The following TRAF5 variants were observed in gnomAD, a reference collection of about 807,000 sequenced individuals.
The protein encoded by TRAF5 is TNF receptor-associated factor 5.
Under a neutral mutation model 64.5 loss-of-function variants are expected in TRAF5, and 48 were observed. The ratio of observed to expected loss-of-function variants is 0.74; its 90% CI spans 0.59 to 0.95. The LOEUF is 0.95. Among genes scored for constraint, TRAF5 ranks in the 40% least tolerant of loss-of-function variants. The pLI is 0.00. For synonymous variants in TRAF5, 206 were observed against 240.5 expected, an observed-to-expected ratio of 0.86 and a Z score of 1.33; for missense variants, 545 against 662.8, an observed-to-expected ratio of 0.82 and a Z score of 1.95.
chr1:211,365,746 C>G (rs1202224343), intron 8 of TRAF5, among the ~76,000 whole-genome samples: 1 of 152,202 alleles, frequency 6.6e-6, no homozygotes, highest in Non-Finnish European at 1.5e-5. Flanking sequence ...ATAATTCAAT[C>G]TCAAAATCCA....
In TRAF5 at chr1:211,373,589, G is replaced by A. The variant is rs1354669103; in HGVS notation, c.*887G>A. The A allele has an allele frequency of 6.6e-6, 1 of 152,130 alleles. No individual in the cohort carries two copies. Among genetic ancestry groups the A allele is most frequent in the Non-Finnish European group, 1.5e-5 (1 of 68,040 alleles). 9.4% of individuals were successfully genotyped at this position (152,130 alleles called of 1,614,324 possible). A position where few individuals can be genotyped will look rare whatever the true frequency, so the allele number is the denominator to read the frequency against. On this transcript the variant is annotated 3_prime_UTR_variant, in exon 11 of 11. Coordinates refer to ENST00000261464, the MANE Select transcript of TRAF5 (RefSeq NM_001033910.3). Reference sequence around the variant, plus strand: ...GGTGACAGTAATAAATCAATGTGAGGATGGATAGAATTTAGTATATGATAG... The same window carrying A: ...GGTGACAGTAATAAATCAATGTGAGAATGGATAGAATTTAGTATATGATAG...
rs976133396 is a variant in TRAF5, at chr1:211,356,886, G to A, written c.378+418G>A. The A allele has an allele frequency of 2.4e-5, 4 of 164,962 alleles. No homozygotes were observed. In the East Asian group the frequency reaches 5.2e-4, roughly 22 times the overall value. The allele number at this position is 164,962 out of a possible 1,614,324, so 10.2% of individuals were successfully genotyped here. On this transcript the variant is annotated intron_variant, in intron 4 of 10. Coordinates refer to ENST00000261464, the MANE Select transcript of TRAF5 (RefSeq NM_001033910.3). ...ATTTGCTCTCTCACTTGGTGCTGTC[G>A]TAGGTGTTTCCCAGCAACTGTGGGA...
At chr1:211,371,953 G>GC (rs1159428545) in intron 10 of TRAF5, among the ~76,000 whole-genome samples, 175 bp from the exon 11 acceptor site, 17 of 152,194 alleles carry the variant, frequency 1.1e-4, no homozygotes, top group Non-Finnish European at 1.5e-5. Flanking sequence ...GAGGCACTGT[G>GC]CCAAGACATG....
At chr1:211,370,003 A>G (rs1217722465) in intron 9 of TRAF5, among the ~76,000 whole-genome samples, 1 of 152,188 alleles carries the variant, frequency 6.6e-6, no homozygotes, top group African/African-American at 2.4e-5. Flanking sequence ...TAACTTTAAC[A>G]TTGATACAAT....
chr1:211,365,578 A>T (rs1703326704), intron 8 of TRAF5, 110 bp downstream of exon 8: 9 of 849,620 alleles, frequency 1.1e-5, no homozygotes, highest in South Asian at 1.9e-5. Context: ...AGTCAATTAG[A>T]GGTAGATGTT....
chr1:211,354,619 C>T (rs1362881464), intron 3 of TRAF5, 152 bp downstream of exon 3: 12 of 743,312 alleles, frequency 1.6e-5, no homozygotes, highest in South Asian at 1.1e-4. Context: ...AGACCCTACT[C>T]GTAGCCCTGT....
intron 1 of TRAF5, among the ~76,000 whole-genome samples, chr1:211,342,748 G>A (rs1282721871): frequency 6.6e-6 from 1 of 152,196 alleles, no homozygotes; most frequent in Non-Finnish European, 1.5e-5. Flanking sequence ...ACAAGAACAT[G>A]TGAAGCTTGT....
chr1:211,354,175 C>T lies in TRAF5; in HGVS notation c.219-235C>T, dbSNP rs192128652. Among the ~76,000 whole-genome samples the T allele has an allele frequency of 8.1e-4, 124 of 152,290 alleles. 1 individual carries two copies. Among genetic ancestry groups the T allele is most frequent in the Middle Eastern group, 3.4e-3 (1 of 294 alleles). On this transcript the variant is annotated intron_variant, in intron 2 of 10. Transcript: ENST00000261464. ...AGGACAGGGGGCATTCAGCTCTGTC[C>T]AGGGACTCACTGACTGCATCCCAGA... is the stretch of plus-strand genomic sequence containing the variant.
At chr1:211,350,747 A>T (rs1291998601) in intron 1 of TRAF5, among the ~76,000 whole-genome samples, 3 of 152,126 alleles carry the variant, frequency 2.0e-5, no homozygotes, top group Non-Finnish European at 4.4e-5. Context: ...TAAACAACAG[A>T]GGTTTCTGAC....
At chr1:211,343,287 G>T (rs992617293) in intron 1 of TRAF5, among the ~76,000 whole-genome samples, 2 of 152,100 alleles carry the variant, frequency 1.3e-5, no homozygotes, top group African/African-American at 4.8e-5. Context: ...GCTGGTAATT[G>T]TCATGCCATG....
At chr1:211,326,697 G>A (rs1456530692), upstream of TRAF5, 2 of 986,012 alleles carry the variant, frequency 2.0e-6, no homozygotes, top group Non-Finnish European at 2.4e-6. This position sits in a 1 kb window ranked among gnomAD's most constrained non-coding sequence, Gnocchi z 5.0. Flanking sequence ...CCAACCGCCT[G>A]GATGACGGTC....
intron 1 of TRAF5, among the ~76,000 whole-genome samples, chr1:211,349,426 A>T (rs61848978): frequency 0.16 from 25,094 of 152,124 alleles, 2,175 homozygotes; most frequent in African/African-American, 0.22. Flanking sequence ...AGAGATGAAC[A>T]CTGTCCTTAC....
In TRAF5 at chr1:211,372,705, A is replaced by G. The variant is rs765833700; in HGVS notation, c.*3A>G. 8 of 1,613,420 alleles carry G rather than the reference A, an allele frequency of 5.0e-6. No homozygotes were observed. In the South Asian group the frequency reaches 6.6e-5, roughly 13 times the overall value. Reference sequence around the variant, plus strand: ...TAACTGACCTGGAGGATCTCTAGTCACTGTTATGGGGTGATAAGAGGACTT... The same window carrying G: ...TAACTGACCTGGAGGATCTCTAGTCGCTGTTATGGGGTGATAAGAGGACTT... On this transcript the variant is annotated 3_prime_UTR_variant, in exon 11 of 11. Transcript: ENST00000261464.
rs188797893 is a variant in TRAF5 at position 211,371,819 on chromosome 1, G to A, written c.1100-309G>A. On this transcript the variant is annotated intron_variant, in intron 10 of 10. Transcript: ENST00000261464. Reference sequence around the variant, plus strand: ...GTATGGAAAAATATTAAAGGGTTTGGCCATTTAAAAGCATTCTAGTTAGAA... The same window carrying A: ...GTATGGAAAAATATTAAAGGGTTTGACCATTTAAAAGCATTCTAGTTAGAA... Among the ~76,000 whole-genome samples, 159 of 152,342 alleles carry A rather than the reference G, an allele frequency of 1.0e-3. 1 individual carries two copies. Among genetic ancestry groups the A allele is most frequent in the Admixed American group, 1.8e-3 (27 of 15,304 alleles).
chr1:211,344,350 C>T (rs906009748), intron 1 of TRAF5, among the ~76,000 whole-genome samples: 7 of 152,184 alleles, frequency 4.6e-5, no homozygotes, highest in Admixed American at 1.3e-4. Context: ...ATTGTTTGTC[C>T]TGTTCCCAAG....
chr1:211,361,520 G>A (rs1703179044), intron 7 of TRAF5, among the ~76,000 whole-genome samples: 1 of 152,028 alleles, frequency 6.6e-6, no homozygotes, highest in South Asian at 2.1e-4. Context: ...ATGATTGGAT[G>A]AGGCCCACCA....
intron 1 of TRAF5, among the ~76,000 whole-genome samples, chr1:211,337,017 C>T (rs112254829): frequency 0.012 from 1,876 of 152,324 alleles, 18 homozygotes; most frequent in Non-Finnish European, 0.017. Flanking sequence ...AAGGCGTGAG[C>T]CGCTGCACCT....
intron 1 of TRAF5, chr1:211,346,293 C>A: frequency 1.1e-6 from 1 of 896,812 alleles, no homozygotes; most frequent in Non-Finnish European, 1.3e-6. Flanking sequence ...CTTATTTCTT[C>A]TGTCCTTGGA....
intron 2 of TRAF5, 54 bp downstream of exon 2, chr1:211,353,511 C>A: frequency 6.5e-7 from 1 of 1,531,346 alleles, no homozygotes. Context: ...ATCCAGGTGG[C>A]AACTGTGGCC....
Sources: allele counts gnomAD v4.1 joint callset (sites outside exome capture counted in the v4.1 genomes callset), GRCh38; gene constraint gnomAD v4.1.1; non-coding constraint Gnocchi (gnomAD v3.1); transcripts MANE v1.5; gene names NCBI Gene and HGNC (gene_info 2026-07-23, HGNC 2026-07-21).